The following PCDHA1 variants were observed in gnomAD, a reference collection of about 807,000 sequenced individuals.
PCDHA1 encodes the protein protocadherin alpha 1, also known as protocadherin alpha-1.
In PCDHA1, 42 loss-of-function variants were observed where a neutral mutation model predicts 61.3. That is an observed-to-expected ratio of 0.69 (90% confidence interval 0.54 to 0.89). The LOEUF is 0.89. PCDHA1 is among the 40% of genes least tolerant of loss of function. The pLI is 0.00. For missense variants in PCDHA1, 1,256 were observed against 1,235.3 expected, an observed-to-expected ratio of 1.02 and a Z score of -0.25; for synonymous variants, 610 against 553.8, an observed-to-expected ratio of 1.10 and a Z score of -1.43.
chr5:140,918,748 C>T (rs1303112000), intron 1 of PCDHA1, among the ~76,000 whole-genome samples: 1 of 152,110 alleles, frequency 6.6e-6, no homozygotes, highest in Non-Finnish European at 1.5e-5. Flanking sequence ...ATAAAAGAGG[C>T]CCAGAGAGGT....
chr5:140,850,398 C>T, intron 1 of PCDHA1: 2 of 1,597,936 alleles, frequency 1.3e-6, no homozygotes, highest in Non-Finnish European at 1.7e-6. Flanking sequence ...CAGCACAACG[C>T]GTGCCCTGGA....
intron 1 of PCDHA1, among the ~76,000 whole-genome samples, chr5:140,839,701 G>A (rs1342678083): frequency 6.6e-6 from 1 of 152,034 alleles, no homozygotes; most frequent in Non-Finnish European, 1.5e-5. Context: ...GGTAAATAAT[G>A]TGATGACAAA....
intron 1 of PCDHA1, chr5:140,869,394 G>A (rs782128248): frequency 6.2e-7 from 1 of 1,614,078 alleles, no homozygotes; most frequent in Non-Finnish European, 8.5e-7. Flanking sequence ...AGCTGTGCGG[G>A]CAGAGCGCGG....
At chr5:140,849,896 C>A in intron 1 of PCDHA1, 1 of 1,598,590 alleles carries the variant, frequency 6.3e-7, no homozygotes, top group Non-Finnish European at 8.6e-7. Flanking sequence ...TGAAGGAGAA[C>A]AACCCGCCGG....
At chr5:140,852,689 T>C (rs993759166) in intron 1 of PCDHA1, 1 of 972,400 alleles carries the variant, frequency 1.0e-6, no homozygotes, top group Non-Finnish European at 1.2e-6. Flanking sequence ...AATATAGTCT[T>C]ATACTTTCAA....
intron 1 of PCDHA1, among the ~76,000 whole-genome samples, chr5:140,820,259 C>T (rs1766721633): frequency 6.6e-6 from 1 of 151,944 alleles, no homozygotes; most frequent in African/African-American, 2.4e-5. Context: ...TATAAGGGAA[C>T]TGGTAAATAT....
intron 1 of PCDHA1, among the ~76,000 whole-genome samples, chr5:140,953,706 G>A (rs1464812227): frequency 1.3e-5 from 2 of 152,144 alleles, no homozygotes; most frequent in Non-Finnish European, 1.5e-5. Context: ...ACTAGACTGA[G>A]CTTCAGACAT....
chr5:140,935,045 G>T (rs1382389528), intron 1 of PCDHA1, among the ~76,000 whole-genome samples: 1 of 151,952 alleles, frequency 6.6e-6, no homozygotes, highest in Non-Finnish European at 1.5e-5. Flanking sequence ...TTGATTTCTG[G>T]TATTACAAGA....
intron 3 of PCDHA1, among the ~76,000 whole-genome samples, chr5:141,002,937 C>T (rs2098103358): frequency 6.6e-6 from 1 of 152,232 alleles, no homozygotes; most frequent in Non-Finnish European, 1.5e-5. Context: ...CCAACACCCT[C>T]CAGCACATGC....
intron 3 of PCDHA1, among the ~76,000 whole-genome samples, chr5:141,003,222 G>A (rs1221950770): frequency 2.6e-5 from 4 of 152,224 alleles, no homozygotes; most frequent in Non-Finnish European, 4.4e-5. Flanking sequence ...CATGAAAGAG[G>A]AAAGCTGGAA....
At chr5:140,895,273 A>T (rs2064941325) in intron 1 of PCDHA1, among the ~76,000 whole-genome samples, 2 of 151,970 alleles carry the variant, frequency 1.3e-5, no homozygotes, top group South Asian at 4.1e-4. Context: ...TTACTCAGGG[A>T]TAATTGAATT....
chr5:140,925,108 G>GGAAGGAAGGAAGGAA (rs1554202548), intron 1 of PCDHA1, among the ~76,000 whole-genome samples: 36 of 124,780 alleles, frequency 2.9e-4, no homozygotes, highest in African/African-American at 1.2e-3. Context: ...GAAGGAAGGA[G>GGAAGGAAGGAAGGAA]GGAAGGAAGG....
intron 1 of PCDHA1, chr5:140,864,603 C>A (rs1230930036): frequency 3.3e-5 from 5 of 152,210 alleles, no homozygotes; most frequent in Non-Finnish European, 7.3e-5. Flanking sequence ...AGATAGCCAA[C>A]AACTTTGTTC....
chr5:140,809,505 G>T (rs782212508), intron 1 of PCDHA1: 2 of 1,614,224 alleles, frequency 1.2e-6, no homozygotes, highest in South Asian at 2.2e-5. Flanking sequence ...ATGGCCTTCA[G>T]CCCCAGTTTA....
At chr5:140,919,012 C>T (rs1411489160) in intron 1 of PCDHA1, among the ~76,000 whole-genome samples, 1 of 152,164 alleles carries the variant, frequency 6.6e-6, no homozygotes, top group Non-Finnish European at 1.5e-5. Flanking sequence ...CTTTCATTTC[C>T]TAGTGATCTT....
intron 2 of PCDHA1, among the ~76,000 whole-genome samples, chr5:140,979,303 C>A (rs1048294748): frequency 6.6e-6 from 1 of 152,148 alleles, no homozygotes; most frequent in Non-Finnish European, 1.5e-5. Context: ...CTCCTTCATC[C>A]CTCTCTACCT....
At chr5:140,834,699 C>T (rs2150224551) in intron 1 of PCDHA1, 1 of 1,614,262 alleles carries the variant, frequency 6.2e-7, no homozygotes. Flanking sequence ...CAGCATCCAC[C>T]TGGAGGTGAT....
intron 1 of PCDHA1, chr5:140,823,024 G>C (rs2150121461): frequency 2.2e-5 from 36 of 1,614,202 alleles, no homozygotes; most frequent in South Asian, 3.3e-5. Context: ...CCGCGAGAGC[G>C]TGTCGGTCTA....
At chr5:140,803,411 G>T (rs782062306) in intron 1 of PCDHA1, 3 of 1,614,218 alleles carry the variant, frequency 1.9e-6, no homozygotes, top group Non-Finnish European at 2.5e-6. Flanking sequence ...GCAAGCCCAC[G>T]CTGGTGTGCT....
Sources: gnomAD v4.1 joint callset for allele counts (sites outside exome capture counted in the v4.1 genomes callset) on GRCh38, gnomAD v4.1.1 for gene constraint, MANE v1.5 for transcripts, NCBI Gene and HGNC (gene_info 2026-07-23, HGNC 2026-07-21) for gene names.